Variants in CNTNAP2 observed in about 807,000 individuals in gnomAD.
The protein encoded by CNTNAP2 is contactin associated protein 2, also known as contactin-associated protein-like 2.
In CNTNAP2, 98 loss-of-function variants were observed where a neutral mutation model predicts 155.2. That is an observed-to-expected ratio of 0.63 (90% CI 0.54 to 0.75). The LOEUF (loss-of-function observed/expected upper bound fraction) is 0.75. Ranked by LOEUF, CNTNAP2 falls within the 30% of genes least tolerant of loss-of-function variation. The probability of loss-of-function intolerance (pLI) is 0.00; values close to 1 mark genes in which losing one functional copy is unlikely to be tolerated. For missense variants in CNTNAP2, 1,727 were observed against 1,688.1 expected (o/e 1.02, Z -0.40); for synonymous variants, 651 against 631.2 (o/e 1.03, Z -0.47).
At chr7:147,254,899 G>A (rs1280304353) in intron 8 of CNTNAP2, among the ~76,000 whole-genome samples, 2 of 152,080 alleles carry the variant, frequency 1.3e-5, no homozygotes, top group Non-Finnish European at 2.9e-5. Flanking sequence ...TCTAAAAATC[G>A]TAGCAATTTA....
chr7:147,729,211 C>G (rs933831109), intron 13 of CNTNAP2, among the ~76,000 whole-genome samples: 5 of 151,634 alleles, frequency 3.3e-5, no homozygotes, highest in Non-Finnish European at 7.4e-5. Context: ...GCTGGGATGA[C>G]AGTTGTAAGC....
At chr7:147,571,744 C>T (rs13225249) in intron 12 of CNTNAP2, among the ~76,000 whole-genome samples, 33,546 of 151,980 alleles carry the variant, frequency 0.22, 4,456 homozygotes, top group Non-Finnish European at 0.3. Context: ...CTTCTAACCC[C>T]TTCATTTTCC....
At chr7:147,303,910 G>C (rs1200612552) in intron 9 of CNTNAP2, among the ~76,000 whole-genome samples, 1 of 152,132 alleles carries the variant, frequency 6.6e-6, no homozygotes, top group Non-Finnish European at 1.5e-5. Flanking sequence ...ACCACTCAAA[G>C]TATTTCTTCC....
At chr7:147,090,159 T>TA (rs1306391289) in intron 4 of CNTNAP2, among the ~76,000 whole-genome samples, 1 of 152,138 alleles carries the variant, frequency 6.6e-6, no homozygotes, top group Non-Finnish European at 1.5e-5. Context: ...ATGGTAAAAA[T>TA]ATGGCCCTGT....
chr7:146,547,771 A>G (rs1798050210), intron 1 of CNTNAP2, among the ~76,000 whole-genome samples: 1 of 151,674 alleles, frequency 6.6e-6, no homozygotes. Context: ...TAAACGTGGA[A>G]GTGCTAATAT....
chr7:146,893,585 TG>T (rs747752682), intron 3 of CNTNAP2, among the ~76,000 whole-genome samples: 1 of 151,978 alleles, frequency 6.6e-6, no homozygotes, highest in African/African-American at 2.4e-5. Context: ...ATATTCTAAG[TG>T]GGTAGAATAG....
At chr7:147,738,660 TTA>T (rs58725184) in intron 13 of CNTNAP2, among the ~76,000 whole-genome samples, 97,535 of 132,380 alleles carry the variant, frequency 0.74, 35,722 homozygotes, top group East Asian at 0.97. Flanking sequence ...CTTTTTTTTT[TTA>T]TTTTTTTTTT....
At chr7:146,481,456 A>G (rs1217813166) in intron 1 of CNTNAP2, among the ~76,000 whole-genome samples, 2 of 152,220 alleles carry the variant, frequency 1.3e-5, no homozygotes, top group Non-Finnish European at 2.9e-5. Context: ...CAATGAAACC[A>G]TCTACTGCGC....
intron 21 of CNTNAP2, among the ~76,000 whole-genome samples, chr7:148,331,768 T>TGGAGTAGAC (rs1798028078): frequency 2.3e-4 from 3 of 13,144 alleles, no homozygotes; most frequent in Admixed American, 1.5e-3. Context: ...ATGGATTGGA[T>TGGAGTAGAC]GGATGGAATG....
chr7:146,611,602 G>A (rs774281786), intron 1 of CNTNAP2, among the ~76,000 whole-genome samples: 1 of 152,144 alleles, frequency 6.6e-6, no homozygotes, highest in Non-Finnish European at 1.5e-5. Flanking sequence ...GGAATCTTAA[G>A]AGACTGTATC....
At chr7:147,954,864 G>A (rs1230085043) in intron 14 of CNTNAP2, among the ~76,000 whole-genome samples, 1 of 152,126 alleles carries the variant, frequency 6.6e-6, no homozygotes, top group Non-Finnish European at 1.5e-5. Context: ...GTGTACAATA[G>A]TATAAAAAGG....
At chr7:147,737,745 T>G (rs1247446389) in intron 13 of CNTNAP2, among the ~76,000 whole-genome samples, 2 of 152,204 alleles carry the variant, frequency 1.3e-5, no homozygotes, top group African/African-American at 2.4e-5. Context: ...GCCTCGCTGC[T>G]GCCTTGCGGT....
chr7:147,603,374 C>T (rs1418700051), intron 12 of CNTNAP2, among the ~76,000 whole-genome samples: 2 of 151,990 alleles, frequency 1.3e-5, no homozygotes, highest in Non-Finnish European at 2.9e-5. Flanking sequence ...TCAGCAAAGT[C>T]TCAGGATACA....
intron 10 of CNTNAP2, among the ~76,000 whole-genome samples, chr7:147,441,813 TTC>T (rs568227936): frequency 0.19 from 19,622 of 101,862 alleles, 1,762 homozygotes; most frequent in East Asian, 0.22. Context: ...TGTAGTCTCT[TTC>T]TCTCTCTCTC....
chr7:147,737,455 G>C (rs1796873520), intron 13 of CNTNAP2, among the ~76,000 whole-genome samples: 1 of 152,148 alleles, frequency 6.6e-6, no homozygotes. Flanking sequence ...CTCCCAGTTT[G>C]GCTACTCCTG....
At chr7:146,374,136 T>G (rs2129103355) in intron 1 of CNTNAP2, among the ~76,000 whole-genome samples, 1 of 152,274 alleles carries the variant, frequency 6.6e-6, no homozygotes, top group Non-Finnish European at 1.5e-5. Flanking sequence ...TTTGTTTTTT[T>G]GTTTACGTTT....
intron 23 of CNTNAP2, 73 bp from the exon 24 acceptor site, chr7:148,415,344 A>G: frequency 6.8e-7 from 1 of 1,481,224 alleles, no homozygotes; most frequent in East Asian, 2.3e-5. Context: ...ACGGAGCTGT[A>G]GTGAAGTGGG....
chr7:146,187,244 C>T (rs1354698053), intron 1 of CNTNAP2, among the ~76,000 whole-genome samples: 5 of 152,152 alleles, frequency 3.3e-5, no homozygotes, highest in Non-Finnish European at 2.9e-5. Flanking sequence ...AACCCTCAAG[C>T]GTTAGCACCC....
At chr7:148,402,747 G>A (rs566847570) in intron 22 of CNTNAP2, among the ~76,000 whole-genome samples, 2 of 152,232 alleles carry the variant, frequency 1.3e-5, no homozygotes, top group East Asian at 3.9e-4. Context: ...CAGCAGTTTT[G>A]TTGAAGTGTC....
Sources: allele counts gnomAD v4.1 joint callset (sites outside exome capture counted in the v4.1 genomes callset), GRCh38; gene constraint gnomAD v4.1.1; transcripts MANE v1.5; gene names NCBI Gene and HGNC (gene_info 2026-07-23, HGNC 2026-07-21).